The following XKR4 variants were observed in gnomAD, a reference collection of about 807,000 sequenced individuals.
The protein encoded by XKR4 is XK related 4.
A neutral mutation model predicts 53.9 loss-of-function variants in XKR4; 12 were observed. That is an observed-to-expected ratio of 0.22 (90% CI 0.14 to 0.36). The LOEUF is 0.36. Among genes scored for constraint, XKR4 ranks in the 10% least tolerant of loss-of-function variants. The probability of loss-of-function intolerance (pLI) is 1.00; values close to 1 mark genes in which losing one functional copy is unlikely to be tolerated. For synonymous variants in XKR4, 354 were observed against 362.4 expected (o/e 0.98, Z 0.26); for missense variants, 799 against 859.5 (o/e 0.93, Z 0.88).
intron 1 of XKR4, among the ~76,000 whole-genome samples, chr8:55,166,899 G>T (rs1306633783): frequency 6.6e-6 from 1 of 152,178 alleles, no homozygotes; most frequent in East Asian, 1.9e-4. Flanking sequence ...GGAGACTTTT[G>T]AGCAGATTCA....
chr8:55,245,464 G>A (rs1274016529), intron 1 of XKR4, among the ~76,000 whole-genome samples: 1 of 152,030 alleles, frequency 6.6e-6, no homozygotes, highest in Non-Finnish European at 1.5e-5. Context: ...TGGTATAGCA[G>A]CTTAAATAAA....
intron 2 of XKR4, chr8:55,455,122 G>C (rs1805544886): frequency 1.6e-6 from 1 of 638,188 alleles, no homozygotes; most frequent in Admixed American, 2.1e-5. Context: ...GCAGGAAGTA[G>C]TCTGTGATCC....
At chr8:55,187,214 G>C (rs139643206) in intron 1 of XKR4, among the ~76,000 whole-genome samples, 1 of 147,592 alleles carries the variant, frequency 6.8e-6, no homozygotes, top group African/African-American at 2.5e-5. Flanking sequence ...TTCTGCGGGG[G>C]AATCTAGACT....
intron 1 of XKR4, among the ~76,000 whole-genome samples, chr8:55,329,708 C>G (rs1463889105): frequency 6.6e-6 from 1 of 152,134 alleles, no homozygotes; most frequent in Non-Finnish European, 1.5e-5. Flanking sequence ...TTTCCAAGTT[C>G]CATATGTTAT....
intron 1 of XKR4, among the ~76,000 whole-genome samples, chr8:55,222,152 G>C (rs1376723172): frequency 6.6e-6 from 1 of 152,158 alleles, no homozygotes; most frequent in East Asian, 1.9e-4. Flanking sequence ...TGTAGCATGT[G>C]TAGTCTCTGT....
intron 2 of XKR4, chr8:55,453,799 T>C (rs1034422234): frequency 3.6e-5 from 16 of 445,020 alleles, no homozygotes; most frequent in South Asian, 2.0e-4. Flanking sequence ...GCAGGACTCA[T>C]TGGGGGTGGT....
At chr8:55,187,209 C>A (rs78318167) in intron 1 of XKR4, among the ~76,000 whole-genome samples, 1 of 144,032 alleles carries the variant, frequency 6.9e-6, no homozygotes, top group Non-Finnish European at 1.5e-5. Flanking sequence ...AGTGTTTCTG[C>A]GGGGGAATCT....
chr8:55,446,304 G>T (rs577090886), intron 2 of XKR4, among the ~76,000 whole-genome samples: 6 of 152,220 alleles, frequency 3.9e-5, no homozygotes, highest in African/African-American at 1.2e-4. Flanking sequence ...TTCTGCCAGG[G>T]TTTTGGCGCT....
chr8:55,516,164 C>T (rs1440578197), intron 2 of XKR4, among the ~76,000 whole-genome samples: 2 of 152,174 alleles, frequency 1.3e-5, no homozygotes, highest in Non-Finnish European at 2.9e-5. Context: ...AGCAAGGGCC[C>T]AACAAATGCT....
chr8:55,311,847 A>AAAAAG (rs1184409275), intron 1 of XKR4, among the ~76,000 whole-genome samples: 5 of 134,990 alleles, frequency 3.7e-5, no homozygotes, highest in Admixed American at 7.3e-5. Context: ...AAAAAAAAAA[A>AAAAAG]AAAAGAAAAG....
intron 1 of XKR4, among the ~76,000 whole-genome samples, chr8:55,199,772 A>T (rs35458279): frequency 0.19 from 29,494 of 152,122 alleles, 2,963 homozygotes; most frequent in Non-Finnish European, 0.22. Context: ...ATAGCCACAT[A>T]ATAGTAGCAG....
intron 2 of XKR4, among the ~76,000 whole-genome samples, chr8:55,471,367 G>A (rs917240381): frequency 2.6e-5 from 4 of 152,128 alleles, no homozygotes; most frequent in African/African-American, 9.7e-5. Flanking sequence ...TTCCCAAAGT[G>A]TGACTGCCCA....
intron 1 of XKR4, among the ~76,000 whole-genome samples, chr8:55,288,649 C>CT (rs1333404961): frequency 2.0e-5 from 3 of 152,090 alleles, no homozygotes; most frequent in Admixed American, 6.6e-5. Flanking sequence ...ATTTTTAATA[C>CT]TTTTTTTAAT....
At chr8:55,457,875 G>C (rs1251297559) in intron 2 of XKR4, among the ~76,000 whole-genome samples, 2 of 152,134 alleles carry the variant, frequency 1.3e-5, no homozygotes, top group Non-Finnish European at 2.9e-5. Flanking sequence ...AAAGAGGAAA[G>C]AAATGGAATT....
intron 1 of XKR4, among the ~76,000 whole-genome samples, chr8:55,171,131 C>G (rs1563474190): frequency 6.6e-6 from 1 of 152,178 alleles, no homozygotes; most frequent in African/African-American, 2.4e-5. Flanking sequence ...CACATACACA[C>G]TGTACCGTGA....
chr8:55,220,470 G>T (rs539022974), intron 1 of XKR4, among the ~76,000 whole-genome samples: 73 of 152,326 alleles, frequency 4.8e-4, no homozygotes, highest in Non-Finnish European at 8.7e-4. Flanking sequence ...ATTTCAAAAT[G>T]TTTAAAAGGA....
At chr8:55,443,420 G>T (rs1363051064) in intron 2 of XKR4, among the ~76,000 whole-genome samples, 2 of 147,954 alleles carry the variant, frequency 1.4e-5, no homozygotes, top group Non-Finnish European at 3.0e-5. Flanking sequence ...CCACAGCAAA[G>T]GTCCTGTTCA....
intron 1 of XKR4, among the ~76,000 whole-genome samples, chr8:55,227,769 G>T (rs1222713781): frequency 6.6e-6 from 1 of 152,216 alleles, no homozygotes; most frequent in Admixed American, 6.5e-5. Flanking sequence ...ACCCCTGTGT[G>T]AGTGGGACAT....
chr8:55,507,866 T>G (rs1341440079), intron 2 of XKR4, among the ~76,000 whole-genome samples: 1 of 152,212 alleles, frequency 6.6e-6, no homozygotes, highest in African/African-American at 2.4e-5. Context: ...ATATACCCAG[T>G]AATGGGATGA....
Sources: allele counts gnomAD v4.1 joint callset (sites outside exome capture counted in the v4.1 genomes callset), GRCh38; gene constraint gnomAD v4.1.1; transcripts MANE v1.5; gene names NCBI Gene and HGNC (gene_info 2026-07-23, HGNC 2026-07-21).